FBN2: variants seen among roughly 807,000 people sequenced by gnomAD.
The protein encoded by FBN2 is fibrillin-2.
A neutral mutation model predicts 355.6 loss-of-function variants in FBN2; 105 were observed. That is an observed-to-expected ratio of 0.30 (90% CI 0.25 to 0.35). The LOEUF is 0.35. Ranked by LOEUF, FBN2 falls within the 10% of genes least tolerant of loss-of-function variation. The pLI is 1.00. For synonymous variants in FBN2, 1,350 were observed against 1,301.2 expected, an observed-to-expected ratio of 1.04 and a Z score of -0.81; for missense variants, 3,280 against 3,758.7, an observed-to-expected ratio of 0.87 and a Z score of 3.33.
chr5:128,536,269 G>T (rs1353237287), intron 2 of FBN2, 133 bp downstream of exon 2: 2 of 741,242 alleles, frequency 2.7e-6, no homozygotes, highest in Non-Finnish European at 4.8e-6. Context: ...ATGGGGCCGC[G>T]TCCCGATTAT....
chr5:128,454,921 C>A (rs1177901443), intron 6 of FBN2, among the ~76,000 whole-genome samples: 1 of 152,144 alleles, frequency 6.6e-6, no homozygotes, highest in Non-Finnish European at 1.5e-5. Flanking sequence ...AAACAATTTT[C>A]TTCTGCTATA....
At chr5:128,493,832 G>C (rs1428035177) in intron 5 of FBN2, among the ~76,000 whole-genome samples, 1 of 152,082 alleles carries the variant, frequency 6.6e-6, no homozygotes, top group East Asian at 1.9e-4. Context: ...AACAAGATTT[G>C]GTGACAGATC....
chr5:128,321,971 T>C (rs752018126), intron 34 of FBN2, among the ~76,000 whole-genome samples: 36 of 152,218 alleles, frequency 2.4e-4, no homozygotes, highest in Non-Finnish European at 3.5e-4. Context: ...CCTGACTTTT[T>C]AATGATCGTC....
At chr5:128,339,789 C>G (rs1245966055) in intron 25 of FBN2, among the ~76,000 whole-genome samples, 1 of 152,124 alleles carries the variant, frequency 6.6e-6, no homozygotes, top group Non-Finnish European at 1.5e-5. Context: ...GCCCCTGTCT[C>G]TGTGCAGGAG....
intron 2 of FBN2, among the ~76,000 whole-genome samples, chr5:128,533,427 C>T (rs1396277718): frequency 6.6e-6 from 1 of 152,152 alleles, no homozygotes; most frequent in Non-Finnish European, 1.5e-5. Context: ...TGCCCCACAA[C>T]AGCCTCAGAC....
chr5:128,409,065 A>C (rs1753003645), intron 7 of FBN2, among the ~76,000 whole-genome samples: 1 of 152,212 alleles, frequency 6.6e-6, no homozygotes, highest in South Asian at 2.1e-4. Flanking sequence ...TTTAAATTGG[A>C]AATAAGTAAA....
At chr5:128,292,220 T>C (rs1436440303) in intron 48 of FBN2, among the ~76,000 whole-genome samples, 2 of 152,138 alleles carry the variant, frequency 1.3e-5, no homozygotes, top group Non-Finnish European at 2.9e-5. Context: ...GTCCATCTGA[T>C]TACATTTGAA....
chr5:128,469,658 A>G (rs1754804265), intron 5 of FBN2, among the ~76,000 whole-genome samples: 1 of 152,218 alleles, frequency 6.6e-6, no homozygotes, highest in Non-Finnish European at 1.5e-5. Flanking sequence ...TCAAGACACA[A>G]GATACAGTGG....
chr5:128,489,931 C>T (rs1259234757), intron 5 of FBN2, among the ~76,000 whole-genome samples: 6 of 152,092 alleles, frequency 3.9e-5, no homozygotes, highest in African/African-American at 1.2e-4. Context: ...GACTACAGTA[C>T]AAAGACCACA....
intron 16 of FBN2, 57 bp downstream of exon 16, chr5:128,369,125 A>T: frequency 6.4e-7 from 1 of 1,566,412 alleles, no homozygotes; most frequent in Non-Finnish European, 8.8e-7. Context: ...TTGGCCAAAC[A>T]TCTAAGGTTG....
intron 5 of FBN2, among the ~76,000 whole-genome samples, chr5:128,493,733 A>C (rs1755573318): frequency 6.6e-6 from 1 of 152,186 alleles, no homozygotes; most frequent in African/African-American, 2.4e-5. Flanking sequence ...TACATGGTCT[A>C]AGAAAGAAAA....
rs1355461819 is a variant in FBN2, at chr5:128,310,384, ATATATATATATATATATATTTT to A, written c.5075-298_5075-277del. On this transcript the variant is annotated intron_variant, in intron 39 of 64. Coordinates refer to ENST00000262464, the MANE Select transcript of FBN2 (RefSeq NM_001999.4). The stretch of plus-strand genomic sequence containing the variant: ...TTGGCACATATATATATATATATAT[ATATATATATATATATATATTTT>A]TTTTTTTTTTTTTTTATTGCAATTC... 9.5e-3 allele frequency among the ~76,000 whole-genome samples: 127 copies of A among 13,418 alleles called. 2 individuals are homozygous for A. Among genetic ancestry groups the A allele is most frequent in the East Asian group, 0.021 (10 of 472 alleles). The allele number at this position is 13,418 out of a possible 152,430, so 8.8% of individuals were successfully genotyped here. A position where few individuals can be genotyped will look rare whatever the true frequency, so the allele number is the denominator to read the frequency against.
At chr5:128,460,044 T>C (rs1754516349) in intron 6 of FBN2, among the ~76,000 whole-genome samples, 1 of 152,322 alleles carries the variant, frequency 6.6e-6, no homozygotes, top group African/African-American at 2.4e-5. Flanking sequence ...GCAGATGACA[T>C]GATTGTATAT....
rs868031420 is a variant in FBN2, at chr5:128,291,571, G to A, written c.6250C>T (p.Pro2084Ser). The A allele has an allele frequency of 3.7e-6, 6 of 1,613,788 alleles. No individual in the cohort carries two copies. The African/African-American group carries it at 5.3e-5, about 14-fold the overall frequency. The change falls in exon 49 of 65, where the codon CCC (proline) becomes TCC (serine). Residue 2084 changes from proline (P) to serine (S), a missense_variant. Physicochemically the swap from Pro to Ser is moderately conservative, Grantham distance 74 (BLOSUM62 -1). This residue lies in a region of FBN2 where 2,284 missense variants were observed against 2,749.5 expected (regional missense o/e 0.83). Transcript: ENST00000262464. ...NTPGGFQCLCPPGFVLSDNGR... is the reference protein window; with the variant it reads ...NTPGGFQCLCSPGFVLSDNGR... ...TTATCAGATAGTACAAAGCCAGGGG[G>A]GCAGAGGCACTGGAAGCCCCCTGGA...
At chr5:128,288,624 C>G in intron 52 of FBN2, 67 bp from the exon 53 acceptor site, 1 of 1,568,806 alleles carries the variant, frequency 6.4e-7, no homozygotes, top group Non-Finnish European at 8.7e-7. Flanking sequence ...CCCAGGAAGA[C>G]CCATGCTTGG....
Position 128,530,712 on chromosome 5 carries a change from GA to G in FBN2, c.338-20del, listed in dbSNP as rs1561501140. The G allele has an allele frequency of 7.2e-7, 1 of 1,395,752 alleles. No individual in the cohort carries two copies. Among genetic ancestry groups the G allele is most frequent in the East Asian group, 2.3e-5 (1 of 43,738 alleles). 86.5% of individuals were successfully genotyped at this position (1,395,752 alleles called of 1,614,324 possible). ...CAAATCGCTGTAGAAAGCACAATAG[GA>G]AAATGAATGAATAACTATATAATAA... On this transcript the variant is annotated intron_variant, in intron 2 of 64. Coordinates refer to ENST00000262464, the MANE Select transcript of FBN2 (RefSeq NM_001999.4).
At chr5:128,269,033 G>T (rs1369853660) in intron 62 of FBN2, among the ~76,000 whole-genome samples, 1 of 152,032 alleles carries the variant, frequency 6.6e-6, no homozygotes. Flanking sequence ...GGGCAATCAG[G>T]CAAGAGAAGA....
chr5:128,394,891 T>TG, intron 9 of FBN2, among the ~76,000 whole-genome samples: 1 of 151,196 alleles, frequency 6.6e-6, no homozygotes, highest in Non-Finnish European at 1.5e-5. Flanking sequence ...GCTCATGTGA[T>TG]TCTCCCACCT....
intron 36 of FBN2, among the ~76,000 whole-genome samples, chr5:128,315,736 A>T (rs754051464): frequency 3.3e-5 from 5 of 152,218 alleles, no homozygotes; most frequent in Non-Finnish European, 7.4e-5. Flanking sequence ...TGAAAATATG[A>T]AAGAATCCAC....
Sources: allele counts gnomAD v4.1 joint callset (sites outside exome capture counted in the v4.1 genomes callset), GRCh38; gene constraint gnomAD v4.1.1; regional missense constraint gnomAD v4.1.1; transcripts MANE v1.5; gene names NCBI Gene and HGNC (gene_info 2026-07-23, HGNC 2026-07-21).